Variants in MYO1D observed in about 807,000 individuals in gnomAD.
MYO1D encodes the protein myosin ID, also known as unconventional myosin-Id.
Under a neutral mutation model 122.0 loss-of-function variants are expected in MYO1D, and 83 were observed. The ratio of observed to expected loss-of-function variants is 0.68; its 90% CI spans 0.57 to 0.82. The LOEUF (loss-of-function observed/expected upper bound fraction) is 0.82, where lower values mean the gene tolerates loss of function less well. MYO1D is among the 40% of genes least tolerant of loss of function. The pLI is 0.00. For missense variants in MYO1D, 1,157 were observed against 1,269.5 expected (o/e 0.91, Z 1.35); for synonymous variants, 464 against 446.9 (o/e 1.04, Z -0.48).
At chr17:32,541,621 GTA>G (rs1269030441) in intron 21 of MYO1D, among the ~76,000 whole-genome samples, 1 of 152,174 alleles carries the variant, frequency 6.6e-6, no homozygotes, top group African/African-American at 2.4e-5. Context: ...TAGCTAGAAA[GTA>G]TCTAGAATCA....
intron 20 of MYO1D, among the ~76,000 whole-genome samples, chr17:32,621,049 T>G (rs546051214): frequency 6.6e-6 from 1 of 152,334 alleles, no homozygotes; most frequent in Non-Finnish European, 1.5e-5. Flanking sequence ...CATTTATGTT[T>G]CCTATAAATC....
chr17:32,658,267 C>A (rs1411002475), intron 17 of MYO1D, among the ~76,000 whole-genome samples: 1 of 152,086 alleles, frequency 6.6e-6, no homozygotes. Context: ...TGATTTAGCA[C>A]AGAATTATAC....
At chr17:32,837,555 T>A (rs2090839910) in intron 1 of MYO1D, among the ~76,000 whole-genome samples, 2 of 152,140 alleles carry the variant, frequency 1.3e-5, no homozygotes, top group Admixed American at 1.3e-4. Flanking sequence ...TAAACACTGA[T>A]AACCAAAATT....
chr17:32,775,848 A>G lies in MYO1D; in HGVS notation c.564+16T>C. On this transcript the variant is annotated intron_variant, in intron 4 of 21. Coordinates refer to ENST00000318217, the MANE Select transcript of MYO1D (RefSeq NM_015194.3). ...AGCACTTAAAACATTACCCTCAGAA[A>G]TTAAGCATATTTTACCTTTTCTAGT... is the stretch of plus-strand genomic sequence containing the variant. 3 of 1,582,784 alleles carry G rather than the reference A, an allele frequency of 1.9e-6. No individual in the cohort carries two copies. Among genetic ancestry groups the G allele is most frequent in the Non-Finnish European group, 2.6e-6 (3 of 1,160,548 alleles).
chr17:32,833,651 A>G (rs872571), intron 1 of MYO1D, among the ~76,000 whole-genome samples: 70,148 of 151,876 alleles, frequency 0.46, 16,335 homozygotes, highest in East Asian at 0.54. Context: ...ACCCTGATCC[A>G]CCCACAGCTC....
At chr17:32,606,845 G>C (rs1417667546) in intron 20 of MYO1D, among the ~76,000 whole-genome samples, 2 of 152,196 alleles carry the variant, frequency 1.3e-5, no homozygotes, top group African/African-American at 4.8e-5. Context: ...GCCCTAGCCA[G>C]TGCAGTAAGG....
chr17:32,706,943 G>A (rs1200390342), intron 16 of MYO1D, among the ~76,000 whole-genome samples: 1 of 151,746 alleles, frequency 6.6e-6, no homozygotes, highest in African/African-American at 2.4e-5. Context: ...TGATCCACCC[G>A]CCTCGGCCCC....
At chr17:32,527,665 G>A (rs1910384384) in intron 21 of MYO1D, among the ~76,000 whole-genome samples, 1 of 152,044 alleles carries the variant, frequency 6.6e-6, no homozygotes, top group African/African-American at 2.4e-5. Flanking sequence ...GGGTATGGTG[G>A]TATGTGCCTG....
At chr17:32,592,924 T>G (rs2087454607) in intron 21 of MYO1D, among the ~76,000 whole-genome samples, 1 of 152,186 alleles carries the variant, frequency 6.6e-6, no homozygotes, top group Admixed American at 6.5e-5. Flanking sequence ...TCACTTCCGC[T>G]TCTTTCGGGA....
chr17:32,867,591 G>T (rs948389567), intron 1 of MYO1D, among the ~76,000 whole-genome samples: 4 of 151,784 alleles, frequency 2.6e-5, no homozygotes, highest in Non-Finnish European at 5.9e-5. Flanking sequence ...GAGGTCAGGA[G>T]TTCGAGACCA....
intron 1 of MYO1D, among the ~76,000 whole-genome samples, chr17:32,867,203 G>A (rs1169559238): frequency 6.6e-6 from 1 of 151,684 alleles, no homozygotes; most frequent in African/African-American, 2.4e-5. Context: ...GCAGGTGCCT[G>A]TAATCCCAGC....
At chr17:32,849,990 T>A (rs1693467838) in intron 1 of MYO1D, among the ~76,000 whole-genome samples, 1 of 151,530 alleles carries the variant, frequency 6.6e-6, no homozygotes, top group Non-Finnish European at 1.5e-5. Context: ...TTAGAAACTC[T>A]CCTCACTAAT....
intron 21 of MYO1D, among the ~76,000 whole-genome samples, chr17:32,545,407 C>T (rs2086957656): frequency 6.6e-6 from 1 of 152,200 alleles, no homozygotes; most frequent in African/African-American, 2.4e-5. Flanking sequence ...TTTTAGGCTT[C>T]CTTCTGAATG....
chr17:32,749,685 C>CCACCTTGGCT (rs779483585), intron 11 of MYO1D, among the ~76,000 whole-genome samples: 6 of 152,116 alleles, frequency 3.9e-5, no homozygotes, highest in Non-Finnish European at 8.8e-5. Context: ...CAAGATTGGG[C>CCACCTTGGCT]CACTGTACTC....
chr17:32,615,492 A>G (rs2087759368), intron 20 of MYO1D, among the ~76,000 whole-genome samples: 1 of 152,170 alleles, frequency 6.6e-6, no homozygotes, highest in Non-Finnish European at 1.5e-5. Flanking sequence ...GTGAGAGGAG[A>G]GAGAGGACCT....
At chr17:32,557,705 G>C (rs562280093) in intron 21 of MYO1D, among the ~76,000 whole-genome samples, 1 of 151,908 alleles carries the variant, frequency 6.6e-6, no homozygotes, top group South Asian at 2.1e-4. Context: ...GTTTCGCTCA[G>C]CAAAGTCTTT....
At chr17:32,537,173 T>A (rs368997870) in intron 21 of MYO1D, among the ~76,000 whole-genome samples, 111 of 152,330 alleles carry the variant, frequency 7.3e-4, no homozygotes, top group African/African-American at 2.6e-3. Flanking sequence ...CATGTTACAG[T>A]CATTTCAATT....
At chr17:32,525,282 C>T (rs532011409) in intron 21 of MYO1D, among the ~76,000 whole-genome samples, 2 of 152,366 alleles carry the variant, frequency 1.3e-5, no homozygotes, top group South Asian at 2.1e-4. Context: ...GGCTATCTCA[C>T]TGAGAGACCT....
At position 32,587,508 on chromosome 17, in the gene MYO1D, G is replaced by A. The variant is rs1239706874; in HGVS notation, c.2864+17579C>T. Among the ~76,000 whole-genome samples, 20 of 117,286 alleles carry A rather than the reference G, an allele frequency of 1.7e-4. No homozygotes were observed. In the East Asian group the frequency reaches 3.7e-3, roughly 22 times the overall value. The allele number at this position is 117,286 out of a possible 152,430, so 76.9% of individuals were successfully genotyped here. On this transcript the variant is annotated intron_variant, in intron 21 of 21. Transcript: ENST00000318217. ...GCCTGGGTGACAAGAGTGAAACTCC[G>A]TTTCAAAAAAAAAAAAAAAAAAGTC...
Sources: allele counts gnomAD v4.1 joint callset (sites outside exome capture counted in the v4.1 genomes callset), GRCh38; gene constraint gnomAD v4.1.1; transcripts MANE v1.5; gene names NCBI Gene and HGNC (gene_info 2026-07-23, HGNC 2026-07-21).